FCRL4: variants seen among roughly 807,000 people sequenced by gnomAD.
The protein encoded by FCRL4 is Fc receptor-like protein 4.
A neutral mutation model predicts 64.1 loss-of-function variants in FCRL4; 43 were observed. The observed-to-expected ratio is 0.67, with a 90% CI of 0.53 to 0.87. FCRL4 has a LOEUF of 0.87. Among genes scored for constraint, FCRL4 ranks in the 40% least tolerant of loss-of-function variants. The pLI, the probability that FCRL4 is intolerant of heterozygous loss-of-function variation, is 0.00. For synonymous variants in FCRL4, 253 were observed against 239.8 expected (o/e 1.05, Z -0.51); for missense variants, 656 against 613.5 (o/e 1.07, Z -0.73).
At chr1:157,576,244 T>A (rs1338470923) in intron 10 of FCRL4, among the ~76,000 whole-genome samples, 1 of 152,140 alleles carries the variant, frequency 6.6e-6, no homozygotes, top group African/African-American at 2.4e-5. Flanking sequence ...CCATGCATAT[T>A]AGAAATTAAG....
rs150354637 is a variant in FCRL4, at chr1:157,581,542, C to T, written c.1238G>A (p.Arg413Gln). 1.0e-4 allele frequency: 169 copies of T among 1,613,716 alleles called. No homozygotes were observed. The highest frequency in any genetic ancestry group is 5.1e-4 in the African/African-American group (38 of 74,928). Reference protein sequence around the residue: ...AVALLFHCWRRRKSGVGFLGD... With the variant: ...AVALLFHCWRQRKSGVGFLGD... ...AAAAGAGCACAAACCTGACTTCCTCCGACGCCAGCAGTGAAACAGCAGGGC... is the reference window on the plus strand; with the variant it reads ...AAAAGAGCACAAACCTGACTTCCTCTGACGCCAGCAGTGAAACAGCAGGGC... Residue 413 changes from arginine to glutamine, a missense_variant, in exon 7 of 12, where the codon CGG (arginine) becomes CAG (glutamine). Physicochemically the swap from Arg to Gln is conservative, Grantham distance 43. Coordinates refer to ENST00000271532, the MANE Select transcript of FCRL4 (RefSeq NM_031282.3).
At chr1:157,594,001 T>C (rs773096427) in intron 2 of FCRL4, among the ~76,000 whole-genome samples, 4 of 152,198 alleles carry the variant, frequency 2.6e-5, no homozygotes, top group Admixed American at 6.5e-5. Flanking sequence ...TAGATTCTGT[T>C]GAAGATGCAG....
At chr1:157,597,785 CT>C in intron 1 of FCRL4, 128 bp downstream of exon 1, 1 of 627,018 alleles carries the variant, frequency 1.6e-6, no homozygotes, top group Non-Finnish European at 2.8e-6. Context: ...ATTATCTTTC[CT>C]TTTTGTTCAT....
intron 10 of FCRL4, 44 bp downstream of exon 10, chr1:157,578,430 G>T: frequency 1.4e-6 from 2 of 1,473,748 alleles, no homozygotes; most frequent in Non-Finnish European, 9.5e-7. Context: ...TTTGTTGAAT[G>T]AATGAATATA....
At chr1:157,586,563 T>G in intron 5 of FCRL4, 108 bp from the exon 6 acceptor site, 1 of 932,146 alleles carries the variant, frequency 1.1e-6, no homozygotes, top group Non-Finnish European at 1.6e-6. Context: ...AGATATACTC[T>G]TCAGCAGGCA....
At chr1:157,577,624 C>T (rs1441396856) in intron 10 of FCRL4, among the ~76,000 whole-genome samples, 1 of 152,166 alleles carries the variant, frequency 6.6e-6, no homozygotes, top group Non-Finnish European at 1.5e-5. Flanking sequence ...GTGACAGAGA[C>T]CAACAGTTCT....
chr1:157,589,556 C>T, intron 2 of FCRL4, 98 bp from the exon 3 acceptor site: 2 of 1,433,752 alleles, frequency 1.4e-6, no homozygotes, highest in South Asian at 1.3e-5. Context: ...CTTGGGAGAT[C>T]CCTAAGATGC....
Position 157,586,210 on chromosome 1 carries a change from A to T in FCRL4, c.1093T>A (p.Tyr365Asn), listed in dbSNP as rs1652688475. 6.2e-7 allele frequency: 1 copy of T among 1,613,872 alleles called. No individual in the cohort carries two copies. The highest frequency in any genetic ancestry group is 1.3e-5 in the African/African-American group (1 of 74,936). ...AGCACCATGCTCTGGACAGGGCCGT[A>T]GCTGTTGTCTGCTGTACAGTAGTAT... ...GGYYCTADNS[Y>N]GPVQSMVLNV... The change falls in exon 6 of 12, where the codon TAC (tyrosine) becomes AAC (asparagine). Residue 365 changes from tyrosine to asparagine, a missense_variant. Tyr to Asn is a moderately radical substitution (Grantham distance 143). Coordinates refer to ENST00000271532, the MANE Select transcript of FCRL4 (RefSeq NM_031282.3).
At chr1:157,591,839 G>A (rs1035831310) in intron 2 of FCRL4, among the ~76,000 whole-genome samples, 1 of 152,086 alleles carries the variant, frequency 6.6e-6, no homozygotes, top group South Asian at 2.1e-4. Context: ...TCAAATGCAT[G>A]TAAATGTTTA....
intron 2 of FCRL4, among the ~76,000 whole-genome samples, chr1:157,590,600 C>A (rs1452560002): frequency 4.0e-5 from 6 of 151,602 alleles, no homozygotes; most frequent in Admixed American, 1.3e-4. Context: ...TCACTGCAAC[C>A]TCTGCCTCCC....
At position 157,587,508 on chromosome 1, in the gene FCRL4, C is replaced by T; in HGVS notation, c.615G>A (p.Gly205=). ...TTTCACAGCTCAGGTTTACAGAATT[C>T]CCCTCTGTAGGCTGAGAGTCTGTAG... ...LKATDSQPTE[G]NSVNLSCETQ... Residue 205 remains glycine (G), a synonymous_variant, in exon 5 of 12, where the codon GGG becomes GGA. Coordinates refer to ENST00000271532, the MANE Select transcript of FCRL4 (RefSeq NM_031282.3). The T allele has an allele frequency of 1.9e-6, 3 of 1,614,092 alleles. No homozygotes were observed. The highest frequency in any genetic ancestry group is 1.1e-5 in the South Asian group (1 of 91,072).
chr1:157,596,447 G>T, intron 1 of FCRL4, 99 bp from the exon 2 acceptor site: 1 of 1,329,206 alleles, frequency 7.5e-7, no homozygotes, highest in Non-Finnish European at 1.1e-6. Flanking sequence ...CAACCAAGAG[G>T]AAGAGAAACA....
At chr1:157,578,031 T>A (rs139452038) in intron 10 of FCRL4, among the ~76,000 whole-genome samples, 1 of 152,252 alleles carries the variant, frequency 6.6e-6, no homozygotes, top group East Asian at 1.9e-4. Context: ...AATCTGACAG[T>A]AATTAGAGGA....
At chr1:157,585,387 T>TTTCTTTCTTTCTTTC (rs1270504826) in intron 6 of FCRL4, among the ~76,000 whole-genome samples, 1 of 101,926 alleles carries the variant, frequency 9.8e-6, no homozygotes, top group African/African-American at 3.5e-5. Context: ...TCTTTCTTTC[T>TTTCTTTCTTTCTTTC]TTCTTTCCTT....
intron 1 of FCRL4, 126 bp from the exon 2 acceptor site, chr1:157,596,474 T>A: frequency 1.9e-6 from 2 of 1,077,808 alleles, no homozygotes; most frequent in Admixed American, 4.1e-5. Context: ...ATTCCATCCA[T>A]CCCAGGGAAG....
At chr1:157,582,853 T>C (rs1195179588) in intron 6 of FCRL4, among the ~76,000 whole-genome samples, 1 of 152,192 alleles carries the variant, frequency 6.6e-6, no homozygotes, top group Non-Finnish European at 1.5e-5. Flanking sequence ...ACAGAGAGGC[T>C]TGGCCACTAC....
At chr1:157,589,684 T>C (rs1045619333) in intron 2 of FCRL4, among the ~76,000 whole-genome samples, 1 of 152,212 alleles carries the variant, frequency 6.6e-6, no homozygotes, top group African/African-American at 2.4e-5. Flanking sequence ...GGGGCAGCCC[T>C]GGCAGGATCC....
chr1:157,578,533 T>C lies in FCRL4; in HGVS notation c.1370A>G (p.Lys457Arg), dbSNP rs2039401. The change falls in exon 10 of 12, where the codon AAA becomes AGA. Residue 457 changes from lysine to arginine, a missense_variant. Transcript: ENST00000271532. ...CTCAGAGTATACCAAATCTCCCTTT[T>C]TGGGGTGTACTGGAAAGAAAAGACA... ...LQSLYVDVHP[K>R]KGDLVYSEIQ... 2.9e-3 allele frequency: 4,694 copies of C among 1,613,810 alleles called. 107 individuals carry two copies. The African/African-American group carries it at 0.056, about 19-fold the overall frequency.
At chr1:157,586,490 T>C in intron 5 of FCRL4, 35 bp from the exon 6 acceptor site, 1 of 1,573,048 alleles carries the variant, frequency 6.4e-7, no homozygotes, top group East Asian at 2.2e-5. Flanking sequence ...GGGGGTCGGG[T>C]GTGAAGGAGG....
Sources: gnomAD v4.1 joint callset for allele counts (sites outside exome capture counted in the v4.1 genomes callset) on GRCh38, gnomAD v4.1.1 for gene constraint, MANE v1.5 for transcripts, NCBI Gene and HGNC (gene_info 2026-07-23, HGNC 2026-07-21) for gene names.